PITPNM1: variants seen among roughly 807,000 people sequenced by gnomAD.
PITPNM1 encodes the protein phosphatidylinositol transfer protein membrane associated 1.
A neutral mutation model predicts 133.3 loss-of-function variants in PITPNM1; 74 were observed. The observed-to-expected ratio is 0.56, with a 90% CI of 0.46 to 0.67. The LOEUF is 0.67. PITPNM1 is among the 30% of genes least tolerant of loss of function. The probability of loss-of-function intolerance (pLI) is 0.00; values close to 1 mark genes in which losing one functional copy is unlikely to be tolerated. For synonymous variants in PITPNM1, 738 were observed against 741.4 expected, an observed-to-expected ratio of 1.00 and a Z score of 0.08; for missense variants, 1,398 against 1,739.5, an observed-to-expected ratio of 0.80 and a Z score of 3.49.
rs372888277 is a variant in PITPNM1 at position 67,492,254 on chromosome 11, C to T, written c.3514G>A (p.Ala1172Thr). The change falls in exon 24 of 24, where the codon GCG (alanine) becomes ACG (threonine). Residue 1172 changes from alanine to threonine, a missense_variant. By Grantham distance (58) the Ala-to-Thr change is moderately conservative (BLOSUM62 0). Around this residue, in one of 5 missense-constraint regions of PITPNM1, gnomAD observed 122 missense variants for 123.3 expected, o/e 0.99. Coordinates refer to ENST00000356404, the MANE Select transcript of PITPNM1 (RefSeq NM_004910.3). The part of the protein sequence containing the change: ...GYVAHLGQLE[A>T]GSHSHASSGP... ...GAGGAGGCATGCGAGTGCGAGCCCG[C>T]TTCCAGCTGGCCCAGGTGGGCCACA... 2.0e-4 allele frequency: 321 copies of T among 1,596,314 alleles called. 1 individual carries two copies. The highest frequency in any genetic ancestry group is 2.5e-4 in the Non-Finnish European group (287 of 1,169,566).
In PITPNM1 at chr11:67,503,031, G is replaced by A. The variant is rs1330287501; in HGVS notation, c.79-313C>T. On this transcript the variant is annotated intron_variant, in intron 2 of 23. Transcript: ENST00000356404. ...GAATAGAACAAAGATCCCTGCCCTC[G>A]TGGAACTTACATTCTAGTGGAAGGA... Among the ~76,000 whole-genome samples the A allele has an allele frequency of 3.3e-5, 5 of 152,274 alleles. No individual in the cohort carries two copies. In the South Asian group the frequency reaches 6.2e-4, roughly 19 times the overall value.
chr11:67,495,116 G>T lies in PITPNM1; in HGVS notation c.2592C>A (p.Tyr864Ter). The T allele has an allele frequency of 6.2e-7, 1 of 1,612,878 alleles. No homozygotes were observed. Among genetic ancestry groups the T allele is most frequent in the Non-Finnish European group, 8.5e-7 (1 of 1,179,904 alleles). Residue 864 changes from tyrosine (Y) to a stop codon, truncating the protein, a stop_gained, in exon 17 of 24, where the codon TAC becomes TAA. Coordinates refer to ENST00000356404, the MANE Select transcript of PITPNM1 (RefSeq NM_004910.3). LOFTEE classifies it high-confidence loss of function. ...ACGCCACCACGTCGGCGGACTCCCA[G>T]TAGCTGGCGTGGAAGAGGTGGGGCA... ...VTLPHLFHASYWESADVVAFI... is the reference protein window; with the variant it reads ...VTLPHLFHAS
Position 67,498,845 on chromosome 11 carries a change from C to A in PITPNM1, c.1235G>T (p.Gly412Val). 1 of 1,609,646 alleles carries A rather than the reference C, an allele frequency of 6.2e-7. No individual in the cohort carries two copies. Among genetic ancestry groups the A allele is most frequent in the Non-Finnish European group, 8.5e-7 (1 of 1,177,134 alleles). ...CCCCAGCTCCCCGGCTCCATCCAGG[C>A]CCTGGGGGGAACAATGGGGTGCAGT... is the stretch of plus-strand genomic sequence containing the variant. ...DGAQAPRDSEGLDGAGELGAE... is the reference protein window; with the variant it reads ...DGAQAPRDSEVLDGAGELGAE... The change falls in exon 10 of 24, where the codon GGC becomes GTC. Residue 412 changes from glycine (G) to valine (V), a missense_variant and splice_region_variant. This residue lies in a region of PITPNM1 where 574 missense variants were observed against 698.7 expected (regional missense o/e 0.82). Coordinates refer to ENST00000356404, the MANE Select transcript of PITPNM1 (RefSeq NM_004910.3). This position sits in a 1 kb window ranked among gnomAD's most constrained non-coding sequence, Gnocchi z 5.7.
Position 67,501,950 on chromosome 11 carries a change from C to A in PITPNM1, c.552G>T (p.Gly184=). Residue 184 remains glycine (G), a synonymous_variant, in exon 5 of 24, where the codon GGG becomes GGT. Transcript: ENST00000356404. ...ACAGCTTATAGGCACACATAAGGGGCCCCGTCTGTGCCGCCGTCCGTGCCC... is the reference window on the plus strand; with the variant it reads ...ACAGCTTATAGGCACACATAAGGGGACCCGTCTGTGCCGCCGTCCGTGCCC... ...DDWARTAAQT[G]PLMCAYKLCK... 6.2e-7 allele frequency: 1 copy of A among 1,613,528 alleles called. No homozygotes were observed. Among genetic ancestry groups the A allele is most frequent in the Admixed American group, 1.7e-5 (1 of 60,028 alleles).
At chr11:67,506,145 G>A (rs1866505887), upstream of PITPNM1, 1 of 153,042 alleles carries the variant, frequency 6.5e-6, no homozygotes, top group African/African-American at 2.4e-5. Flanking sequence ...GGTGTTGTCA[G>A]GGCATTAGGG....
rs573761696 is a variant in PITPNM1, at chr11:67,498,622, G to A, written c.1458C>T (p.Cys486=). The A allele has an allele frequency of 1.6e-5, 25 of 1,598,300 alleles. No individual in the cohort carries two copies. Among genetic ancestry groups the A allele is most frequent in the East Asian group, 4.5e-5 (2 of 44,874 alleles). Residue 486 remains cysteine (C), a synonymous_variant, in exon 10 of 24, where the codon TGC becomes TGT. Transcript: ENST00000356404. The surrounding 1 kb of genome is among the most constrained non-coding windows in gnomAD (Gnocchi z 5.7). ...TGGAGACAAGGGCATAGGCGGCGGC[G>A]CAGATGGGTGGACAGGGCACCAGTC... The part of the protein sequence containing the change: ...ALRLVPCPPI[C]AAAYALVSNL...
chr11:67,498,332 G>T lies in PITPNM1; in HGVS notation c.1485-10C>A. Reference sequence around the variant, plus strand: ...GCTGTAAGGGCTCAGGCTGTAGGAGGGGGAAATGTGCGTGGGTGAGGGGCT... The same window carrying T: ...GCTGTAAGGGCTCAGGCTGTAGGAGTGGGAAATGTGCGTGGGTGAGGGGCT... On this transcript the variant is annotated splice_polypyrimidine_tract_variant and intron_variant, in intron 10 of 23. Coordinates refer to ENST00000356404, the MANE Select transcript of PITPNM1 (RefSeq NM_004910.3). The surrounding 1 kb of genome is among the most constrained non-coding windows in gnomAD (Gnocchi z 5.7). 2 of 1,550,772 alleles carry T rather than the reference G, an allele frequency of 1.3e-6. No individual in the cohort carries two copies. The highest frequency in any genetic ancestry group is 2.3e-5 in the East Asian group (1 of 44,036).
chr11:67,494,778 G>A (rs1217486026), intron 18 of PITPNM1, 68 bp downstream of exon 18: 1 of 524,396 alleles, frequency 1.9e-6, no homozygotes, highest in Admixed American at 3.2e-5. Context: ...GGGGGGAGGG[G>A]CGGGGCCTCT....
chr11:67,491,953 G>A lies in PITPNM1; in HGVS notation c.*80C>T. ...GGCCAGCGCTGGGGCCAAAAGTCTG[G>A]GTCCCCAGCCTCCCACACGCAGCCC... On this transcript the variant is annotated 3_prime_UTR_variant, in exon 24 of 24. Coordinates refer to ENST00000356404, the MANE Select transcript of PITPNM1 (RefSeq NM_004910.3). 6.7e-7 allele frequency: 1 copy of A among 1,500,938 alleles called. No homozygotes were observed. Among genetic ancestry groups the A allele is most frequent in the Non-Finnish European group, 9.0e-7 (1 of 1,110,446 alleles). The allele number at this position is 1,500,938 out of a possible 1,614,324, so 93.0% of individuals were successfully genotyped here.
rs1204313220 is a variant in PITPNM1, at chr11:67,504,446, C to G, written c.-41-225G>C. 1 of 162,904 alleles carries G rather than the reference C, an allele frequency of 6.1e-6. No individual in the cohort carries two copies. The highest frequency in any genetic ancestry group is 6.4e-5 in the Admixed American group (1 of 15,568). The allele number at this position is 162,904 out of a possible 1,614,324, so 10.1% of individuals were successfully genotyped here. A position where few individuals can be genotyped will look rare whatever the true frequency, so the allele number is the denominator to read the frequency against. On this transcript the variant is annotated intron_variant, in intron 1 of 23. Transcript: ENST00000356404. This position sits in a 1 kb window ranked among gnomAD's most constrained non-coding sequence, Gnocchi z 5.4. ...CAGCCCCCGCCCCCCGCCCGCCCGT[C>G]GCCATGGCAACCGCGCGCTGACGCG...
Position 67,497,638 on chromosome 11 carries a change from G to T in PITPNM1, c.1824C>A (p.Asp608Glu), listed in dbSNP as rs780757064. The change falls in exon 13 of 24, where the codon GAC (aspartate) becomes GAA (glutamate). Residue 608 changes from aspartate (D) to glutamate (E), a missense_variant. Coordinates refer to ENST00000356404, the MANE Select transcript of PITPNM1 (RefSeq NM_004910.3). ...GGCCTTCCACACCATCTGCCAGGGG[G>T]TCCCGCACTGGGCCAAACTCCGGAG... ...LLSPEFGPVR[D>E]PLADGVEGLG... is the part of the protein sequence containing the mutation. The T allele has an allele frequency of 5.0e-6, 8 of 1,609,870 alleles. 1 individual carries two copies. The South Asian group carries it at 7.7e-5, about 16-fold the overall frequency.
chr11:67,493,095 G>T (rs367880765), intron 22 of PITPNM1, 33 bp from the exon 23 acceptor site: 2 of 1,611,546 alleles, frequency 1.2e-6, no homozygotes, highest in Admixed American at 1.7e-5. Flanking sequence ...GCCGCCCCAG[G>T]GGTGGAGCCG....
At chr11:67,503,405 C>A (rs1295263135) in intron 2 of PITPNM1, among the ~76,000 whole-genome samples, 1 of 152,062 alleles carries the variant, frequency 6.6e-6, no homozygotes, top group Non-Finnish European at 1.5e-5. Context: ...ACCCTGGCCC[C>A]CTCCCTCTCT....
intron 12 of PITPNM1, 50 bp from the exon 13 acceptor site, chr11:67,497,729 A>T (rs1374319123): frequency 1.3e-6 from 2 of 1,595,630 alleles, no homozygotes; most frequent in South Asian, 2.2e-5. Context: ...GACCATTCGA[A>T]TTCTACTTAC....
chr11:67,494,575 G>C (rs1048389119), intron 18 of PITPNM1, among the ~76,000 whole-genome samples: 1 of 152,156 alleles, frequency 6.6e-6, no homozygotes, highest in African/African-American at 2.4e-5. Context: ...GCTGTGACAG[G>C]ACGGGATGCA....
In PITPNM1 at chr11:67,495,467, G is replaced by T; in HGVS notation, c.2453C>A (p.Ala818Asp). The T allele has an allele frequency of 6.5e-7, 1 of 1,545,690 alleles. No individual in the cohort carries two copies. The highest frequency in any genetic ancestry group is 8.7e-7 in the Non-Finnish European group (1 of 1,145,928). Residue 818 changes from alanine to aspartate, a missense_variant, in exon 16 of 24, where the codon GCC (alanine) becomes GAC (aspartate). Around this residue, in one of 5 missense-constraint regions of PITPNM1, gnomAD observed 574 missense variants for 698.7 expected, o/e 0.82. Coordinates refer to ENST00000356404, the MANE Select transcript of PITPNM1 (RefSeq NM_004910.3). The stretch of plus-strand genomic sequence containing the variant: ...AACCACCTCACTGGTGGTGCTGGGG[G>T]CGGCTGGCTGGGCCGGGGGGTCAGT... ...LATDPPAQPA[A>D]PSTTSEVVKI...
rs771912103 is a variant in PITPNM1, at chr11:67,503,537, C to T, written c.78+566G>A. Among the ~76,000 whole-genome samples, 135 of 152,310 alleles carry T rather than the reference C, an allele frequency of 8.9e-4. 1 individual carries two copies. Among genetic ancestry groups the T allele is most frequent in the Non-Finnish European group, 1.6e-3 (106 of 68,010 alleles). On this transcript the variant is annotated intron_variant, in intron 2 of 23. Transcript: ENST00000356404. The stretch of plus-strand genomic sequence containing the variant: ...GCCCTTTCAAGCCCGAGGCGGGGTC[C>T]GGGCCCTCTTGCTTTATGAGATTCT...
At chr11:67,492,505 C>A (rs1222578127) in intron 23 of PITPNM1, among the ~76,000 whole-genome samples, 1 of 152,248 alleles carries the variant, frequency 6.6e-6, no homozygotes, top group Non-Finnish European at 1.5e-5. Context: ...CTCTGGGCCT[C>A]AGTCTCCTCA....
chr11:67,495,416 C>A, intron 16 of PITPNM1, 22 bp downstream of exon 16: 1 of 1,473,690 alleles, frequency 6.8e-7, no homozygotes, highest in African/African-American at 1.4e-5. Context: ...CCAGGCTGGA[C>A]TGCCTAGGCT....
Sources: allele counts gnomAD v4.1 joint callset (sites outside exome capture counted in the v4.1 genomes callset), GRCh38; gene constraint gnomAD v4.1.1; regional missense constraint gnomAD v4.1.1; non-coding constraint Gnocchi (gnomAD v3.1); transcripts MANE v1.5; gene names NCBI Gene and HGNC (gene_info 2026-07-23, HGNC 2026-07-21).